Variants in TSPEAR observed in about 807,000 individuals in gnomAD.
The protein encoded by TSPEAR is thrombospondin type laminin G domain and EAR repeats, also known as thrombospondin-type laminin G domain and EAR repeat-containing protein.
Under a neutral mutation model 71.6 loss-of-function variants are expected in TSPEAR, and 69 were observed. The observed-to-expected ratio is 0.96, with a 90% CI of 0.79 to 1.18. The LOEUF is 1.18. Ranked by LOEUF, TSPEAR falls within the 50% of genes most tolerant of loss-of-function variation. The pLI, the probability that TSPEAR is intolerant of heterozygous loss-of-function variation, is 0.00. For synonymous variants in TSPEAR, 402 were observed against 387.2 expected (o/e 1.04, Z -0.45); for missense variants, 971 against 894.9 (o/e 1.09, Z -1.09).
intron 2 of TSPEAR, among the ~76,000 whole-genome samples, chr21:44,535,213 C>T (rs782601788): frequency 1.3e-5 from 2 of 152,034 alleles, no homozygotes; most frequent in Non-Finnish European, 2.9e-5. Flanking sequence ...AAAATAGTTT[C>T]GATGGTAAAT....
intron 2 of TSPEAR, among the ~76,000 whole-genome samples, chr21:44,560,632 C>G (rs1005911315): frequency 6.6e-6 from 1 of 152,176 alleles, no homozygotes; most frequent in Admixed American, 6.5e-5. Context: ...ATAACAAAGT[C>G]TACCGGACCA....
At chr21:44,518,794 G>C (rs2052667948) in intron 9 of TSPEAR, 2 of 433,688 alleles carry the variant, frequency 4.6e-6, no homozygotes, top group South Asian at 3.4e-5. Context: ...TCCTGGTTCT[G>C]GCAAAGCTCC....
chr21:44,582,265 C>T (rs1175967142), intron 1 of TSPEAR, among the ~76,000 whole-genome samples: 1 of 152,212 alleles, frequency 6.6e-6, no homozygotes, highest in Non-Finnish European at 1.5e-5. Context: ...AGATAAGTAA[C>T]CTTGAAAGAG....
At chr21:44,629,143 C>T (rs11911548) in intron 1 of TSPEAR, among the ~76,000 whole-genome samples, 2,801 of 152,242 alleles carry the variant, frequency 0.018, 96 homozygotes, top group African/African-American at 0.062. Context: ...ACTGGTGACC[C>T]GGGGCTGCGA....
intron 1 of TSPEAR, among the ~76,000 whole-genome samples, chr21:44,640,028 A>G (rs1357318476): frequency 2.0e-5 from 3 of 152,234 alleles, no homozygotes; most frequent in Non-Finnish European, 4.4e-5. Context: ...CTGTCAGTCC[A>G]GTTCTAGGCA....
At chr21:44,610,829 C>A (rs1981617312) in intron 1 of TSPEAR, among the ~76,000 whole-genome samples, 1 of 152,246 alleles carries the variant, frequency 6.6e-6, no homozygotes, top group African/African-American at 2.4e-5. Flanking sequence ...GAACCCACCT[C>A]TTGCATCATT....
chr21:44,675,906 C>T (rs1046807790), intron 1 of TSPEAR: 8 of 757,362 alleles, frequency 1.1e-5, no homozygotes, highest in South Asian at 5.7e-5. Context: ...GTGCCTACGG[C>T]GCTGGCATAT....
intron 1 of TSPEAR, among the ~76,000 whole-genome samples, chr21:44,620,383 G>A (rs1460285860): frequency 6.6e-6 from 1 of 152,202 alleles, no homozygotes; most frequent in Non-Finnish European, 1.5e-5. Context: ...AAGGTCAACA[G>A]CAAAGGTAGC....
At chr21:44,550,713 G>A (rs1555918484) in intron 2 of TSPEAR, 2 of 1,614,030 alleles carry the variant, frequency 1.2e-6, no homozygotes, top group Non-Finnish European at 1.7e-6. Context: ...CTTTTGGCCT[G>A]AGGAAAAGCT....
At chr21:44,686,932 C>G (rs543015764) in intron 1 of TSPEAR, among the ~76,000 whole-genome samples, 7 of 152,366 alleles carry the variant, frequency 4.6e-5, no homozygotes, top group Middle Eastern at 3.4e-3. Context: ...TCCTTGGTCA[C>G]TGCTCAGAGG....
intron 9 of TSPEAR, among the ~76,000 whole-genome samples, chr21:44,513,968 A>G (rs986519167): frequency 2.6e-5 from 4 of 151,350 alleles, no homozygotes; most frequent in African/African-American, 9.7e-5. Context: ...GGCTCAGCAC[A>G]CTCCCCAGCC....
chr21:44,526,242 T>C (rs1462971226), intron 7 of TSPEAR, among the ~76,000 whole-genome samples: 1 of 152,172 alleles, frequency 6.6e-6, no homozygotes, highest in Non-Finnish European at 1.5e-5. Context: ...GTCAGGGCAA[T>C]GTGTGTAAAA....
rs182162517 is a variant in TSPEAR, at chr21:44,536,957, T to C, written c.304-3034A>G. Among the ~76,000 whole-genome samples the C allele has an allele frequency of 8.9e-4, 136 of 152,338 alleles. 1 individual carries two copies. The Middle Eastern group carries it at 0.014, about 15-fold the overall frequency. On this transcript the variant is annotated intron_variant, in intron 2 of 11. Transcript: ENST00000323084. ...ATAGAAAACTGTTCCCCATTCACAC[T>C]AGTAAAACATCCCTATGAAATACCT... is the stretch of plus-strand genomic sequence containing the variant.
chr21:44,673,611 A>G (rs1555946376), intron 1 of TSPEAR, among the ~76,000 whole-genome samples: 1 of 152,206 alleles, frequency 6.6e-6, no homozygotes, highest in African/African-American at 2.4e-5. Context: ...AAGCAAATGG[A>G]CCTAATAGGC....
At chr21:44,600,964 T>C in intron 1 of TSPEAR, 2 of 1,612,202 alleles carry the variant, frequency 1.2e-6, no homozygotes, top group Non-Finnish European at 1.7e-6. Context: ...GCCCGTCTGC[T>C]GCAAGACTGT....
At chr21:44,693,582 C>G (rs1228519596) in intron 1 of TSPEAR, among the ~76,000 whole-genome samples, 1 of 152,064 alleles carries the variant, frequency 6.6e-6, no homozygotes, top group African/African-American at 2.4e-5. Flanking sequence ...AACAGTATTA[C>G]TCATTAGGAA....
Position 44,659,746 on chromosome 21 carries a change from A to T in TSPEAR, c.82+51687T>A, listed in dbSNP as rs184585690. Reference sequence around the variant, plus strand: ...GGCTGCAGTGAGCTGAGATTGCACCACTGCACTCCAGCCTGGGTAAAAGAG... The same window carrying T: ...GGCTGCAGTGAGCTGAGATTGCACCTCTGCACTCCAGCCTGGGTAAAAGAG... On this transcript the variant is annotated intron_variant, in intron 1 of 11. Transcript: ENST00000323084. 5.3e-5 allele frequency among the ~76,000 whole-genome samples: 8 copies of T among 152,322 alleles called. No individual in the cohort carries two copies. The East Asian group carries it at 9.6e-4, about 18-fold the overall frequency.
At chr21:44,559,390 G>T (rs1259876384) in intron 2 of TSPEAR, among the ~76,000 whole-genome samples, 5 of 152,206 alleles carry the variant, frequency 3.3e-5, no homozygotes, top group African/African-American at 9.7e-5. Flanking sequence ...GAGCAGGGAG[G>T]CAGCTGCAGG....
intron 2 of TSPEAR, among the ~76,000 whole-genome samples, chr21:44,548,980 CA>C (rs1555918108): frequency 2.0e-5 from 3 of 152,228 alleles, no homozygotes. Flanking sequence ...GACTTTTTAG[CA>C]AAGCAAATTT....
Sources: gnomAD v4.1 joint callset for allele counts (sites outside exome capture counted in the v4.1 genomes callset) on GRCh38, gnomAD v4.1.1 for gene constraint, MANE v1.5 for transcripts, NCBI Gene and HGNC (gene_info 2026-07-23, HGNC 2026-07-21) for gene names.